Variants in ACTR2 observed in about 807,000 individuals in gnomAD.
The protein encoded by ACTR2 is actin related protein 2.
ACTR2 carries 5 observed loss-of-function variants against 50.2 expected under a neutral mutation model. The ratio of observed to expected loss-of-function variants is 0.10; its 90% CI spans 0.05 to 0.21. The LOEUF (loss-of-function observed/expected upper bound fraction) is 0.21. ACTR2 is among the 10% of genes least tolerant of loss of function. ACTR2 has a pLI of 1.00. For synonymous variants in ACTR2, 140 were observed against 162.9 expected, an observed-to-expected ratio of 0.86 and a Z score of 1.07; for missense variants, 180 against 480.6, an observed-to-expected ratio of 0.37 and a Z score of 5.85.
chr2:65,241,957 G>A (rs1671847016), intron 2 of ACTR2: 1 of 1,544,514 alleles, frequency 6.5e-7, no homozygotes, highest in Non-Finnish European at 8.9e-7. Flanking sequence ...TTGCTTGTAT[G>A]TTTAAACATT....
intron 8 of ACTR2, among the ~76,000 whole-genome samples, chr2:65,267,577 C>CA (rs1558630836): frequency 6.6e-6 from 1 of 152,022 alleles, no homozygotes; most frequent in African/African-American, 2.4e-5. Flanking sequence ...AGGTGTTGAC[C>CA]AACCATAAAG....
At chr2:65,257,609 CTGT>C (rs1450396761) in intron 6 of ACTR2, among the ~76,000 whole-genome samples, 1 of 152,194 alleles carries the variant, frequency 6.6e-6, no homozygotes, top group East Asian at 1.9e-4. Flanking sequence ...TCTCCAGCAT[CTGT>C]TGTTTCCTGA....
intron 1 of ACTR2, among the ~76,000 whole-genome samples, chr2:65,234,171 T>G (rs1671696067): frequency 6.6e-6 from 1 of 152,146 alleles, no homozygotes; most frequent in South Asian, 2.1e-4. Flanking sequence ...TTTGGCTTCC[T>G]ACAGTGCCAA....
chr2:65,227,869 T>C lies in ACTR2; in HGVS notation c.-41T>C. ...GAGAAAACGGCCGGGCGGCGGTGGC[T>C]GTAGGTTGTGCGGCTGCAGCGGCTC... On this transcript the variant is annotated 5_prime_UTR_variant, in exon 1 of 9. Coordinates refer to ENST00000260641, the MANE Select transcript of ACTR2 (RefSeq NM_005722.4). 6.7e-7 allele frequency: 1 copy of C among 1,498,200 alleles called. No individual in the cohort carries two copies. Among genetic ancestry groups the C allele is most frequent in the Non-Finnish European group, 8.9e-7 (1 of 1,122,982 alleles). 92.8% of individuals were successfully genotyped at this position (1,498,200 alleles called of 1,614,324 possible).
intron 1 of ACTR2, among the ~76,000 whole-genome samples, chr2:65,236,984 T>C (rs1260088544): frequency 6.6e-6 from 1 of 152,218 alleles, no homozygotes; most frequent in Non-Finnish European, 1.5e-5. Flanking sequence ...TTTTTCTGAA[T>C]ATTAAATATA....
chr2:65,257,759 C>G (rs145873192), intron 6 of ACTR2, among the ~76,000 whole-genome samples: 1 of 152,184 alleles, frequency 6.6e-6, no homozygotes, highest in Non-Finnish European at 1.5e-5. Flanking sequence ...AGTGTCTGTT[C>G]GTATCCTTTG....
At chr2:65,245,533 C>G (rs190789705) in intron 2 of ACTR2, among the ~76,000 whole-genome samples, 1 of 152,146 alleles carries the variant, frequency 6.6e-6, no homozygotes, top group East Asian at 1.9e-4. Context: ...AAAATAATCT[C>G]GTGTTAATTT....
chr2:65,236,604 C>G (rs866238363), intron 1 of ACTR2, among the ~76,000 whole-genome samples: 7 of 151,710 alleles, frequency 4.6e-5, no homozygotes, highest in South Asian at 4.2e-4. Flanking sequence ...TTTTTTGAGA[C>G]AGGTCTCATT....
chr2:65,268,244 C>T (rs539731697), intron 8 of ACTR2, among the ~76,000 whole-genome samples: 64 of 152,146 alleles, frequency 4.2e-4, no homozygotes, highest in Non-Finnish European at 8.4e-4. Flanking sequence ...TGTTTGGTCT[C>T]TCAGTAGGGT....
chr2:65,240,650 G>A (rs1547970), intron 2 of ACTR2, among the ~76,000 whole-genome samples: 75,522 of 151,976 alleles, frequency 0.5, 19,821 homozygotes, highest in East Asian at 0.79. Flanking sequence ...TACAATATTT[G>A]ACAAGAAAGA....
At chr2:65,267,560 C>T (rs1672397149) in intron 8 of ACTR2, among the ~76,000 whole-genome samples, 1 of 152,146 alleles carries the variant, frequency 6.6e-6, no homozygotes, top group Non-Finnish European at 1.5e-5. Flanking sequence ...TTTAAGGTTT[C>T]TCTTTCAGGT....
Position 65,268,787 on chromosome 2 carries a change from G to A in ACTR2, c.*53G>A. 4 of 1,561,726 alleles carry A rather than the reference G, an allele frequency of 2.6e-6. No homozygotes were observed. The highest frequency in any genetic ancestry group is 3.5e-6 in the Non-Finnish European group (4 of 1,149,956). Reference sequence around the variant, plus strand: ...GTAATGCTTTCTTTTTTCCTTTATTGCCAATCTTTGAACTCATTCAACTCC... The same window carrying A: ...GTAATGCTTTCTTTTTTCCTTTATTACCAATCTTTGAACTCATTCAACTCC... On this transcript the variant is annotated 3_prime_UTR_variant, in exon 9 of 9. Coordinates refer to ENST00000260641, the MANE Select transcript of ACTR2 (RefSeq NM_005722.4).
intron 6 of ACTR2, among the ~76,000 whole-genome samples, chr2:65,258,752 T>C (rs1300593977): frequency 6.6e-6 from 1 of 152,160 alleles, no homozygotes; most frequent in Non-Finnish European, 1.5e-5. Flanking sequence ...CCTGCAGTTT[T>C]AACAGTTCAT....
At chr2:65,256,743 G>A (rs1002333434) in intron 6 of ACTR2, among the ~76,000 whole-genome samples, 7 of 151,948 alleles carry the variant, frequency 4.6e-5, no homozygotes, top group Admixed American at 1.3e-4. Context: ...AAGGTGGTGG[G>A]CACCTGTAGT....
chr2:65,255,443 C>A, intron 5 of ACTR2, 102 bp from the exon 6 acceptor site: 1 of 1,004,344 alleles, frequency 1.0e-6, no homozygotes, highest in Non-Finnish European at 1.4e-6. Context: ...ACTGCCCATT[C>A]TGTTTGTTAT....
intron 7 of ACTR2, among the ~76,000 whole-genome samples, chr2:65,263,181 C>T (rs1466394136): frequency 6.6e-6 from 1 of 151,146 alleles, no homozygotes; most frequent in South Asian, 2.1e-4. Context: ...CAGACGTGAG[C>T]CACCACGCCC....
intron 1 of ACTR2, among the ~76,000 whole-genome samples, chr2:65,229,728 G>A (rs1671599261): frequency 2.1e-5 from 3 of 141,326 alleles, no homozygotes; most frequent in Admixed American, 1.5e-4. Flanking sequence ...TCCAGCCTGG[G>A]CGACAGAGCA....
intron 2 of ACTR2, among the ~76,000 whole-genome samples, chr2:65,245,896 A>C (rs1466934681): frequency 1.3e-5 from 2 of 152,158 alleles, no homozygotes; most frequent in Non-Finnish European, 2.9e-5. Flanking sequence ...CCTATATCTT[A>C]ATTTTTTATA....
At position 65,253,722 on chromosome 2, in the gene ACTR2, A is replaced by G; in HGVS notation, c.449-6A>G. On this transcript the variant is annotated splice_region_variant and splice_polypyrimidine_tract_variant and intron_variant, in intron 4 of 8. Transcript: ENST00000260641. ...TTTTATTTAAATCCCCCTGGCTTTTATGCAGGTTTATTGACTGGTGTAGTG... is the reference window on the plus strand; with the variant it reads ...TTTTATTTAAATCCCCCTGGCTTTTGTGCAGGTTTATTGACTGGTGTAGTG... 6.2e-7 allele frequency: 1 copy of G among 1,608,056 alleles called. No homozygotes were observed. The highest frequency in any genetic ancestry group is 1.7e-5 in the Admixed American group (1 of 58,476).
Sources: allele counts gnomAD v4.1 joint callset (sites outside exome capture counted in the v4.1 genomes callset), GRCh38; gene constraint gnomAD v4.1.1; transcripts MANE v1.5; gene names NCBI Gene and HGNC (gene_info 2026-07-23, HGNC 2026-07-21).